The following DOK1 variants were observed in gnomAD, a reference collection of about 807,000 sequenced individuals.
The protein encoded by DOK1 is docking protein 1.
Under a neutral mutation model 24.0 loss-of-function variants are expected in DOK1, and 12 were observed. The ratio of observed to expected loss-of-function variants is 0.50; its 90% CI spans 0.32 to 0.81. DOK1 has a LOEUF of 0.81. Ranked by LOEUF, DOK1 falls within the 30% of genes least tolerant of loss-of-function variation. The pLI, the probability that DOK1 is intolerant of heterozygous loss-of-function variation, is 0.03. For missense variants in DOK1, 591 were observed against 620.7 expected (o/e 0.95, Z 0.51); for synonymous variants, 250 against 260.9 (o/e 0.96, Z 0.40).
chr2:74,549,187 C>A lies in DOK1; in HGVS notation c.-358+15C>A. On this transcript the variant is annotated intron_variant, in intron 1 of 4. Coordinates refer to the DOK1 transcript ENST00000409429. This position sits in a 1 kb window ranked among gnomAD's most constrained non-coding sequence, Gnocchi z 5.3. ...CCCCATTTCAGGTACTCCCTTGGGGCACCTTTCGTGGTCCCACAAGATTTC... is the reference window on the plus strand; with the variant it reads ...CCCCATTTCAGGTACTCCCTTGGGGAACCTTTCGTGGTCCCACAAGATTTC... 1 of 628,862 alleles carries A rather than the reference C, an allele frequency of 1.6e-6. No individual in the cohort carries two copies. Among genetic ancestry groups the A allele is most frequent in the South Asian group, 2.6e-5 (1 of 38,748 alleles). 39.0% of individuals were successfully genotyped at this position (628,862 alleles called of 1,614,324 possible).
Position 74,555,170 on chromosome 2 carries a change from G to T in DOK1, c.77G>T (p.Trp26Leu), listed in dbSNP as rs1677342125. 2 of 1,612,508 alleles carry T rather than the reference G, an allele frequency of 1.2e-6. No individual in the cohort carries two copies. Among genetic ancestry groups the T allele is most frequent in the Admixed American group, 3.3e-5 (2 of 59,982 alleles). The change falls in exon 2 of 5, where the codon TGG becomes TTG. Residue 26 changes from tryptophan to leucine, a missense_variant. Trp to Leu is a moderately conservative substitution (Grantham distance 61). Coordinates refer to ENST00000233668, the MANE Select transcript of DOK1 (RefSeq NM_001381.5). This position sits in a 1 kb window ranked among gnomAD's most constrained non-coding sequence, Gnocchi z 6.1. ...RFGTKRWRKT[W>L]AVLYPASPHG... is the part of the protein sequence containing the mutation. ...TCTCCCTAGAGGTGGAGGAAGACCT[G>T]GGCCGTGCTCTACCCGGCCAGTCCC...
At position 74,556,922 on chromosome 2, in the gene DOK1, G is replaced by C. The variant is rs1677517961; in HGVS notation, c.1254G>C (p.Lys418Asn). The C allele has an allele frequency of 1.2e-6, 2 of 1,614,010 alleles. No homozygotes were observed. Among genetic ancestry groups the C allele is most frequent in the Non-Finnish European group, 1.7e-6 (2 of 1,180,018 alleles). Residue 418 changes from lysine to asparagine, a missense_variant, in exon 5 of 5, where the codon AAG (lysine) becomes AAC (asparagine). Transcript: ENST00000233668. This position sits in a 1 kb window ranked among gnomAD's most constrained non-coding sequence, Gnocchi z 4.1. ...DYAVPPPRSTKPLLAPKPQGP... is the reference protein window; with the variant it reads ...DYAVPPPRSTNPLLAPKPQGP... ...CTGTGCCACCCCCTCGGAGCACAAA[G>C]CCCCTCCTTGCTCCCAAGCCCCAGG...
At position 74,556,441 on chromosome 2, in the gene DOK1, C is replaced by A. The variant is rs773807374; in HGVS notation, c.773C>A (p.Ala258Asp). The change falls in exon 5 of 5, where the codon GCC becomes GAC. Residue 258 changes from alanine to aspartate, a missense_variant. Ala to Asp is a moderately radical substitution (Grantham distance 126, BLOSUM62 -2). Transcript: ENST00000233668. The surrounding 1 kb of genome is among the most constrained non-coding windows in gnomAD (Gnocchi z 4.1). Reference protein sequence around the residue: ...AIHRQKAQGKAGQGHDVLRAD... With the variant: ...AIHRQKAQGKDGQGHDVLRAD... ...CACCGGCAGAAGGCCCAGGGAAAGG[C>A]CGGACAGGGGCACGATGTTCTCAGA... The A allele has an allele frequency of 3.7e-6, 6 of 1,614,164 alleles. No homozygotes were observed. Among genetic ancestry groups the A allele is most frequent in the Non-Finnish European group, 5.1e-6 (6 of 1,180,040 alleles).
In DOK1 at chr2:74,557,164, C is replaced by T; in HGVS notation, c.*50C>T. 1 of 1,547,500 alleles carries T rather than the reference C, an allele frequency of 6.5e-7. No individual in the cohort carries two copies. Among genetic ancestry groups the T allele is most frequent in the Non-Finnish European group, 8.8e-7 (1 of 1,141,996 alleles). ...TAAGGGGGACCATGGGGAGGTGGCA[C>T]TAGGGATCAAAGAAGATGGTTAGAA... On this transcript the variant is annotated 3_prime_UTR_variant, in exon 5 of 5. Coordinates refer to ENST00000233668, the MANE Select transcript of DOK1 (RefSeq NM_001381.5).
At chr2:74,554,526 T>A, upstream of DOK1, 1 of 572,334 alleles carries the variant, frequency 1.7e-6, no homozygotes, top group South Asian at 2.1e-5. This position sits in a 1 kb window ranked among gnomAD's most constrained non-coding sequence, Gnocchi z 4.9. Context: ...GTGGAGCCAC[T>A]GGCGCGCCCC....
chr2:74,550,998 TCTC>T (rs1310432910), upstream of DOK1, among the ~76,000 whole-genome samples: 5 of 151,702 alleles, frequency 3.3e-5, no homozygotes, highest in African/African-American at 1.2e-4. Context: ...AGTGGCATGA[TCTC>T]AGCTCACTGC....
At chr2:74,554,532 G>GC, upstream of DOK1, 1 of 571,282 alleles carries the variant, frequency 1.8e-6, no homozygotes, top group Non-Finnish European at 3.1e-6. This position sits in a 1 kb window ranked among gnomAD's most constrained non-coding sequence, Gnocchi z 4.9. Context: ...CCACTGGCGC[G>GC]CCCCCACGAC....
upstream of DOK1, chr2:74,552,223 T>G: frequency 1.9e-6 from 2 of 1,065,910 alleles, no homozygotes; most frequent in South Asian, 1.6e-5. Flanking sequence ...CTGTTCTTGG[T>G]GTCGTGTGTC....
Position 74,556,029 on chromosome 2 carries a change from C to T in DOK1, c.590C>T (p.Pro197Leu). 1 of 1,612,152 alleles carries T rather than the reference C, an allele frequency of 6.2e-7. No homozygotes were observed. The highest frequency in any genetic ancestry group is 8.5e-7 in the Non-Finnish European group (1 of 1,178,914). Residue 197 changes from proline to leucine, a missense_variant, in exon 4 of 5, where the codon CCA becomes CTA. By Grantham distance (98) the Pro-to-Leu change is moderately conservative. Transcript: ENST00000233668. The surrounding 1 kb of genome is among the most constrained non-coding windows in gnomAD (Gnocchi z 4.1). ...GGGGCCCAGAGTCAGATACTGGAGC[C>T]ACTCCTGTCCTGGCCCTACACTCTG... ...TVGAQSQILEPLLSWPYTLLR... is the reference protein window; with the variant it reads ...TVGAQSQILELLLSWPYTLLR...
upstream of DOK1, chr2:74,552,403 C>A: frequency 1.9e-6 from 3 of 1,613,620 alleles, no homozygotes; most frequent in South Asian, 1.1e-5. Context: ...ATGTGGGCAG[C>A]CTGCAGCGTG....
In DOK1 at chr2:74,555,193, C is replaced by T. The variant is rs1677344731; in HGVS notation, c.100C>T (p.Pro34Ser). 6.2e-7 allele frequency: 1 copy of T among 1,613,328 alleles called. No homozygotes were observed. Among genetic ancestry groups the T allele is most frequent in the South Asian group, 1.1e-5 (1 of 91,070 alleles). Residue 34 changes from proline (P) to serine (S), a missense_variant, in exon 2 of 5, where the codon CCC becomes TCC. By Grantham distance (74) the Pro-to-Ser change is moderately conservative. Coordinates refer to ENST00000233668, the MANE Select transcript of DOK1 (RefSeq NM_001381.5). This position sits in a 1 kb window ranked among gnomAD's most constrained non-coding sequence, Gnocchi z 6.1. ...KTWAVLYPAS[P>S]HGVARLEFFD... ...CTGGGCCGTGCTCTACCCGGCCAGTCCCCACGGCGTAGCGCGGCTCGAGTT... is the reference window on the plus strand; with the variant it reads ...CTGGGCCGTGCTCTACCCGGCCAGTTCCCACGGCGTAGCGCGGCTCGAGTT...
In DOK1 at chr2:74,555,822, C is replaced by G. The variant is rs80182994; in HGVS notation, c.455-72C>G. The G allele has an allele frequency of 3.2e-6, 5 of 1,581,792 alleles. No homozygotes were observed. The South Asian group carries it at 5.8e-5, about 18-fold the overall frequency. On this transcript the variant is annotated intron_variant, in intron 3 of 4. Transcript: ENST00000233668. The surrounding 1 kb of genome is among the most constrained non-coding windows in gnomAD (Gnocchi z 6.1). ...CGAGTGAGTGCTTGGACACTATGCT[C>G]ATGAGTCCTCTGGGTCCCCACTGCT... is the stretch of plus-strand genomic sequence containing the variant.
Position 74,557,309 on chromosome 2 carries a change from C to G in DOK1, c.*195C>G, listed in dbSNP as rs1299623640. 3.4e-6 allele frequency: 2 copies of G among 583,156 alleles called. No individual in the cohort carries two copies. Among genetic ancestry groups the G allele is most frequent in the Non-Finnish European group, 5.9e-6 (2 of 337,304 alleles). The allele number at this position is 583,156 out of a possible 1,614,324, so 36.1% of individuals were successfully genotyped here. ...CTAAGAAGTGGGGCAGATGGCAGGG[C>G]TGAGGATGGGCTCTGCATCCCCCAA... is the stretch of plus-strand genomic sequence containing the variant. On this transcript the variant is annotated 3_prime_UTR_variant, in exon 5 of 5. Transcript: ENST00000233668.
chr2:74,553,763 T>G (rs918455763), upstream of DOK1: 2 of 152,438 alleles, frequency 1.3e-5, no homozygotes, highest in Admixed American at 6.5e-5. Context: ...AATCAAACTC[T>G]CAGTTGGGTG....
Position 74,555,035 on chromosome 2 carries a change from C to T in DOK1, c.61-119C>T. 1.4e-6 allele frequency: 2 copies of T among 1,428,072 alleles called. No individual in the cohort carries two copies. The highest frequency in any genetic ancestry group is 2.5e-5 in the East Asian group (1 of 40,276). 88.5% of individuals were successfully genotyped at this position (1,428,072 alleles called of 1,614,324 possible). ...GCATCGTCCTTGGGAAACTTCGCCC[C>T]CAACCCCGTTTGGAAGCCCCAGATC... is the stretch of plus-strand genomic sequence containing the variant. On this transcript the variant is annotated intron_variant, in intron 1 of 4. Transcript: ENST00000233668. This position sits in a 1 kb window ranked among gnomAD's most constrained non-coding sequence, Gnocchi z 6.1.
In DOK1 at chr2:74,549,719, G is replaced by A. The variant is rs1402232840; in HGVS notation, c.-358+547G>A. 3 of 1,444,176 alleles carry A rather than the reference G, an allele frequency of 2.1e-6. No homozygotes were observed. Among genetic ancestry groups the A allele is most frequent in the African/African-American group, 2.9e-5 (2 of 69,666 alleles). The allele number at this position is 1,444,176 out of a possible 1,614,324, so 89.5% of individuals were successfully genotyped here. A position where few individuals can be genotyped will look rare whatever the true frequency, so the allele number is the denominator to read the frequency against. On this transcript the variant is annotated intron_variant, in intron 1 of 4. Coordinates refer to the DOK1 transcript ENST00000409429. The surrounding 1 kb of genome is among the most constrained non-coding windows in gnomAD (Gnocchi z 5.3). ...GGGCCCGAGGCGGCGCTGAGAGAGC[G>A]GCCACGATGGCCGCAGTCCGCGGTG...
At chr2:74,550,983 A>C (rs1676971221), upstream of DOK1, among the ~76,000 whole-genome samples, 1 of 151,566 alleles carries the variant, frequency 6.6e-6, no homozygotes, top group South Asian at 2.1e-4. Flanking sequence ...CCTAGGCTGA[A>C]ATGCAGTGGC....
chr2:74,554,958 CTCCCGGGAAGCG>C lies in DOK1; in HGVS notation c.60+147_60+158del. The C allele has an allele frequency of 6.9e-7, 1 of 1,454,932 alleles. No individual in the cohort carries two copies. The highest frequency in any genetic ancestry group is 9.4e-7 in the Non-Finnish European group (1 of 1,062,176). The allele number at this position is 1,454,932 out of a possible 1,614,324, so 90.1% of individuals were successfully genotyped here. On this transcript the variant is annotated intron_variant, in intron 1 of 4. Transcript: ENST00000233668. This position sits in a 1 kb window ranked among gnomAD's most constrained non-coding sequence, Gnocchi z 4.9. Reference sequence around the variant, plus strand: ...CTTTCCCGTGAAGTTGCTTTGCACACTCCCGGGAAGCGTCTGTAGTCTAGGGGTTCTGGTCCT... The same window carrying C: ...CTTTCCCGTGAAGTTGCTTTGCACACTCTGTAGTCTAGGGGTTCTGGTCCT...
chr2:74,550,326 C>T, upstream of DOK1: 1 of 1,613,832 alleles, frequency 6.2e-7, no homozygotes, highest in Non-Finnish European at 8.5e-7. Flanking sequence ...CACTGCAGCT[C>T]AAGTTGTCCA....
Sources: gnomAD v4.1 joint callset for allele counts (sites outside exome capture counted in the v4.1 genomes callset) on GRCh38, gnomAD v4.1.1 for gene constraint, Gnocchi (gnomAD v3.1) non-coding constraint, MANE v1.5 for transcripts, NCBI Gene and HGNC (gene_info 2026-07-23, HGNC 2026-07-21) for gene names.